The following IL1R1 variants were observed in gnomAD, a reference collection of about 807,000 sequenced individuals.
IL1R1 encodes the protein interleukin 1 receptor type 1.
A neutral mutation model predicts 50.2 loss-of-function variants in IL1R1; 22 were observed. The ratio of observed to expected loss-of-function variants is 0.44; its 90% confidence interval spans 0.31 to 0.63. IL1R1 has a LOEUF of 0.63. IL1R1 is among the 20% of genes least tolerant of loss of function. The probability of loss-of-function intolerance (pLI) is 0.07; values close to 1 mark genes in which losing one functional copy is unlikely to be tolerated. For synonymous variants in IL1R1, 251 were observed against 236.7 expected, an observed-to-expected ratio of 1.06 and a Z score of -0.55; for missense variants, 509 against 676.2, an observed-to-expected ratio of 0.75 and a Z score of 2.74.
At chr2:102,151,057 A>T (rs1167384505) in intron 1 of IL1R1, among the ~76,000 whole-genome samples, 5 of 152,230 alleles carry the variant, frequency 3.3e-5, no homozygotes, top group Non-Finnish European at 7.3e-5. Context: ...ACTATAAGTC[A>T]TTTAAAAGAA....
At chr2:102,089,389 T>C (rs1679562592) in intron 1 of IL1R1, among the ~76,000 whole-genome samples, 1 of 152,222 alleles carries the variant, frequency 6.6e-6, no homozygotes, top group Non-Finnish European at 1.5e-5. Context: ...TTCTGTCTTA[T>C]GAGTGTGGTT....
At chr2:102,141,849 G>A (rs907714963), upstream of IL1R1, 1 of 152,224 alleles carries the variant, frequency 6.6e-6, no homozygotes, top group Admixed American at 6.5e-5. Context: ...CGAAGTGGAG[G>A]GGGAAAGCCC....
chr2:102,084,478 C>A (rs13398545), intron 1 of IL1R1, among the ~76,000 whole-genome samples: 1 of 151,894 alleles, frequency 6.6e-6, no homozygotes, highest in South Asian at 2.1e-4. Flanking sequence ...TTTATCGCCC[C>A]GTACAAAGTT....
intron 1 of IL1R1, among the ~76,000 whole-genome samples, chr2:102,126,144 A>G (rs1323373414): frequency 6.6e-6 from 1 of 152,258 alleles, no homozygotes; most frequent in East Asian, 1.9e-4. Flanking sequence ...GCATGATATT[A>G]AAAATTTAAA....
chr2:102,083,880 G>T (rs999087652), intron 1 of IL1R1, among the ~76,000 whole-genome samples: 18 of 151,918 alleles, frequency 1.2e-4, no homozygotes, highest in South Asian at 4.2e-4. Context: ...GGAGGCAGAG[G>T]TTGCAGTGAG....
intron 1 of IL1R1, among the ~76,000 whole-genome samples, chr2:102,084,496 C>G (rs1332830773): frequency 6.6e-6 from 1 of 152,130 alleles, no homozygotes; most frequent in African/African-American, 2.4e-5. Context: ...GTTAACCAGT[C>G]TTATACATAA....
At chr2:102,118,553 G>A (rs1055296559) in intron 1 of IL1R1, among the ~76,000 whole-genome samples, 2 of 152,132 alleles carry the variant, frequency 1.3e-5, no homozygotes, top group South Asian at 2.1e-4. Context: ...GAAATGGGGG[G>A]CAGTCTTGTG....
At chr2:102,165,073 A>G (rs752568414) in intron 4 of IL1R1, 42 bp from the exon 5 acceptor site, 2 of 1,554,036 alleles carry the variant, frequency 1.3e-6, no homozygotes, top group South Asian at 1.2e-5. Context: ...GGACAGAAAT[A>G]CTTTTAATAA....
At position 102,176,424 on chromosome 2, in the gene IL1R1, T is replaced by C. The variant is rs1476284574; in HGVS notation, c.1375T>C (p.Ser459Pro). Reference protein sequence around the residue: ...RLIIILVRETSGFSWLGGSSE... With the variant: ...RLIIILVRETPGFSWLGGSSE... Reference sequence around the variant, plus strand: ...GATTATCATTTTAGTCAGAGAAACATCAGGCTTCAGCTGGCTGGGTGGTTC... The same window carrying C: ...GATTATCATTTTAGTCAGAGAAACACCAGGCTTCAGCTGGCTGGGTGGTTC... The change falls in exon 12 of 12, where the codon TCA becomes CCA. Residue 459 changes from serine to proline, a missense_variant. Ser to Pro is a moderately conservative substitution (Grantham distance 74). Transcript: ENST00000410023. 6.2e-7 allele frequency: 1 copy of C among 1,614,064 alleles called. No homozygotes were observed. The highest frequency in any genetic ancestry group is 1.7e-5 in the Admixed American group (1 of 60,004).
chr2:102,154,683 TC>T (rs1684007569), intron 2 of IL1R1, among the ~76,000 whole-genome samples: 1 of 152,166 alleles, frequency 6.6e-6, no homozygotes. Flanking sequence ...CTCCCCTGTC[TC>T]CAGTTTATGT....
intron 1 of IL1R1, among the ~76,000 whole-genome samples, chr2:102,098,894 T>C (rs1486695004): frequency 1.3e-5 from 2 of 152,212 alleles, no homozygotes; most frequent in African/African-American, 4.8e-5. Context: ...TGTTGATTTG[T>C]ATCAGAGAGC....
intron 1 of IL1R1, among the ~76,000 whole-genome samples, chr2:102,108,484 A>C (rs973305389): frequency 1.4e-4 from 21 of 152,096 alleles, no homozygotes; most frequent in Admixed American, 1.4e-3. Flanking sequence ...GTCCGGTTTC[A>C]TGTGTATACC....
chr2:102,124,419 C>G (rs1448991348), intron 1 of IL1R1, among the ~76,000 whole-genome samples: 3 of 147,454 alleles, frequency 2.0e-5, no homozygotes, highest in Non-Finnish European at 3.0e-5. Context: ...GACTCCATCT[C>G]CCCCCCACCA....
At chr2:102,096,035 A>T (rs1679889915) in intron 1 of IL1R1, among the ~76,000 whole-genome samples, 1 of 152,120 alleles carries the variant, frequency 6.6e-6, no homozygotes, top group Admixed American at 6.5e-5. Flanking sequence ...AAAATAATGC[A>T]CTATTCTTCC....
At chr2:102,103,991 A>G (rs1278547671), upstream of IL1R1, among the ~76,000 whole-genome samples, 5 of 20,532 alleles carry the variant, frequency 2.4e-4, no homozygotes, top group Middle Eastern at 0.017. Context: ...ACTGTCTCAG[A>G]AAAAAAAAAA....
chr2:102,119,017 CAAAA>C (rs56327525), intron 1 of IL1R1, among the ~76,000 whole-genome samples: 12 of 74,502 alleles, frequency 1.6e-4, no homozygotes, highest in East Asian at 1.6e-3. Flanking sequence ...GACTGTGTCT[CAAAA>C]AAAAAAAAAA....
chr2:102,167,323 T>G (rs957862928), intron 6 of IL1R1, among the ~76,000 whole-genome samples: 40 of 151,976 alleles, frequency 2.6e-4, no homozygotes, highest in African/African-American at 9.7e-4. Flanking sequence ...TGTTCTTGAG[T>G]TTTTAGCAGC....
At chr2:102,156,951 G>GGTGGGGA (rs1684251142) in intron 2 of IL1R1, among the ~76,000 whole-genome samples, 1 of 152,094 alleles carries the variant, frequency 6.6e-6, no homozygotes, top group Non-Finnish European at 1.5e-5. Context: ...AAGAATATAG[G>GGTGGGGA]CAAATTTAAT....
intron 4 of IL1R1, 28 bp from the exon 5 acceptor site, chr2:102,165,086 CT>C (rs780018160): frequency 3.2e-6 from 5 of 1,545,292 alleles, no homozygotes; most frequent in Non-Finnish European, 4.4e-6. Context: ...TTTAATAATG[CT>C]TAACTTACCT....
Sources: gnomAD v4.1 joint callset for allele counts (sites outside exome capture counted in the v4.1 genomes callset) on GRCh38, gnomAD v4.1.1 for gene constraint, MANE v1.5 for transcripts, NCBI Gene and HGNC (gene_info 2026-07-23, HGNC 2026-07-21) for gene names.